Variants in CDK13 observed in about 807,000 individuals in gnomAD.
CDK13 encodes cyclin-dependent kinase 13.
CDK13 carries 40 observed loss-of-function variants against 137.6 expected under a neutral mutation model. That is an observed-to-expected ratio of 0.29 (90% CI 0.23 to 0.38). CDK13 has a LOEUF of 0.38. Ranked by LOEUF, CDK13 falls within the 10% of genes least tolerant of loss-of-function variation. CDK13 has a pLI of 1.00. For missense variants in CDK13, 1,704 were observed against 1,951.8 expected (o/e 0.87, Z 2.39); for synonymous variants, 869 against 760.1 (o/e 1.14, Z -2.36).
intron 7 of CDK13, chr7:40,048,807 A>T (rs1384804258): frequency 3.3e-5 from 5 of 151,512 alleles, no homozygotes; most frequent in Non-Finnish European, 7.3e-5. Flanking sequence ...AGCGCCTGTG[A>T]CATAATTCTG....
chr7:39,974,056 CTGTT>C (rs1784054721), intron 1 of CDK13, among the ~76,000 whole-genome samples: 1 of 152,136 alleles, frequency 6.6e-6, no homozygotes, highest in African/African-American at 2.4e-5. Context: ...ATTGTTTTGA[CTGTT>C]TGGGTTCTTG....
chr7:40,059,052 T>C (rs1403141703), intron 7 of CDK13, among the ~76,000 whole-genome samples: 2 of 150,748 alleles, frequency 1.3e-5, no homozygotes, highest in African/African-American at 5.0e-5. Flanking sequence ...TCATTTTATA[T>C]GATTTTTTTC....
rs1301650064 is a variant in CDK13 at position 39,951,487 on chromosome 7, G to C, written c.846G>C (p.Arg282=). 6.5e-7 allele frequency: 1 copy of C among 1,538,588 alleles called. No individual in the cohort carries two copies. ...GGGACTCGAAGGCCCACCGCAGCCG[G>C]ACTAAGTCGTCCAAGGAGCCGCCTT... ...KDRDSKAHRS[R]TKSSKEPPSA... The change falls in exon 1 of 14, where the codon CGG becomes CGC. Residue 282 remains arginine, a synonymous_variant. Coordinates refer to ENST00000181839, the MANE Select transcript of CDK13 (RefSeq NM_003718.5).
At chr7:40,088,882 C>G (rs1215626958) in intron 12 of CDK13, among the ~76,000 whole-genome samples, 1 of 152,060 alleles carries the variant, frequency 6.6e-6, no homozygotes, top group African/African-American at 2.4e-5. Context: ...GAGTTCGAGA[C>G]TAGCCTGGCC....
intron 1 of CDK13, 93 bp from the exon 2 acceptor site, chr7:39,987,506 T>C: frequency 9.4e-7 from 1 of 1,058,532 alleles, no homozygotes; most frequent in Non-Finnish European, 1.3e-6. Flanking sequence ...TAAATTTCTA[T>C]TTTATTTCAT....
intron 5 of CDK13, among the ~76,000 whole-genome samples, chr7:40,011,923 TAGA>T (rs1562727443): frequency 6.6e-6 from 1 of 152,152 alleles, no homozygotes; most frequent in Non-Finnish European, 1.5e-5. Flanking sequence ...AAATAACTCT[TAGA>T]ACTAAATAAT....
chr7:39,950,567 C>T lies in CDK13; in HGVS notation c.-75C>T, dbSNP rs1787116521. The T allele has an allele frequency of 3.1e-6, 4 of 1,273,386 alleles. No homozygotes were observed. In the African/African-American group the frequency reaches 6.2e-5, roughly 20 times the overall value. 78.9% of individuals were successfully genotyped at this position (1,273,386 alleles called of 1,614,324 possible). ...GTCCCTCCGCCGCCGCTCCCGTTTC[C>T]GGCGGGGGAGATGGCCAGGATCTGA... On this transcript the variant is annotated 5_prime_UTR_variant, in exon 1 of 14. Transcript: ENST00000181839.
intron 5 of CDK13, among the ~76,000 whole-genome samples, chr7:40,041,454 G>T (rs2150512132): frequency 6.6e-6 from 1 of 152,254 alleles, no homozygotes; most frequent in Middle Eastern, 3.4e-3. Flanking sequence ...TCAAAATTCA[G>T]TATGTGTTTT....
chr7:40,026,181 C>A (rs4723927), intron 5 of CDK13, among the ~76,000 whole-genome samples: 13,306 of 152,178 alleles, frequency 0.087, 972 homozygotes, highest in East Asian at 0.33. Flanking sequence ...AGTACCTCAC[C>A]GTTGAAATTA....
At chr7:40,002,146 G>C (rs987378937) in intron 5 of CDK13, 115 bp downstream of exon 5, 7 of 626,880 alleles carry the variant, frequency 1.1e-5, no homozygotes, top group African/African-American at 7.5e-5. Flanking sequence ...TGCTCTAATC[G>C]TGAAACTATA....
At position 40,095,686 on chromosome 7, in the gene CDK13, A is replaced by G. The variant is rs1787032456; in HGVS notation, c.*706A>G. ...AGGGAAAGTAAGTGCCTTAACAGGT[A>G]AGCTTAAGGTCTGAAAAAAATAGTT... On this transcript the variant is annotated 3_prime_UTR_variant, in exon 14 of 14. Coordinates refer to ENST00000181839, the MANE Select transcript of CDK13 (RefSeq NM_003718.5). The G allele has an allele frequency of 6.6e-6, 1 of 152,194 alleles. No homozygotes were observed. Among genetic ancestry groups the G allele is most frequent in the South Asian group, 2.1e-4 (1 of 4,834 alleles). 9.4% of individuals were successfully genotyped at this position (152,194 alleles called of 1,614,324 possible).
intron 1 of CDK13, among the ~76,000 whole-genome samples, chr7:39,956,845 C>G (rs1347801096): frequency 6.6e-6 from 1 of 152,158 alleles, no homozygotes; most frequent in Non-Finnish European, 1.5e-5. Context: ...CCTGGGCCTC[C>G]CAAAGTGTTG....
chr7:40,078,451 T>C (rs768466518), intron 10 of CDK13: 1 of 276,384 alleles, frequency 3.6e-6, no homozygotes, highest in Non-Finnish European at 6.7e-6. Context: ...TTAATTTGTA[T>C]AATAACAGCA....
chr7:40,015,948 A>G (rs1784994633), intron 5 of CDK13, among the ~76,000 whole-genome samples: 1 of 152,214 alleles, frequency 6.6e-6, no homozygotes, highest in African/African-American at 2.4e-5. Context: ...GGAAATGCAA[A>G]GAGCAGATGC....
chr7:39,970,458 G>A (rs1385410391), intron 1 of CDK13, among the ~76,000 whole-genome samples: 1 of 126,780 alleles, frequency 7.9e-6, no homozygotes, highest in Non-Finnish European at 1.7e-5. Flanking sequence ...CTTTTGTACT[G>A]TTGTCATCTT....
At chr7:40,061,099 A>G (rs1425622072) in intron 7 of CDK13, 1 of 151,952 alleles carries the variant, frequency 6.6e-6, no homozygotes, top group Non-Finnish European at 1.5e-5. Context: ...GGGCTAAAGC[A>G]TAAAGAGGTG....
At chr7:39,981,840 G>A (rs1206331927) in intron 1 of CDK13, among the ~76,000 whole-genome samples, 1 of 146,986 alleles carries the variant, frequency 6.8e-6, no homozygotes, top group African/African-American at 2.5e-5. Flanking sequence ...CACCCAGGCT[G>A]GAGTGCAGCG....
At chr7:39,979,207 C>CTTTTTTTCT (rs1784171692) in intron 1 of CDK13, among the ~76,000 whole-genome samples, 1 of 118,222 alleles carries the variant, frequency 8.5e-6, no homozygotes, top group African/African-American at 4.1e-5. Context: ...TTTTTTCTTT[C>CTTTTTTTCT]TTTTTTTTCT....
chr7:40,055,019 A>C (rs1785981343), intron 7 of CDK13, among the ~76,000 whole-genome samples: 1 of 152,186 alleles, frequency 6.6e-6, no homozygotes, highest in South Asian at 2.1e-4. Flanking sequence ...CTATTTTAAA[A>C]AAAGTAGAAA....
Sources: gnomAD v4.1 joint callset for allele counts (sites outside exome capture counted in the v4.1 genomes callset) on GRCh38, gnomAD v4.1.1 for gene constraint, MANE v1.5 for transcripts, NCBI Gene and HGNC (gene_info 2026-07-23, HGNC 2026-07-21) for gene names.